CLNK: variants seen among roughly 807,000 people sequenced by gnomAD.
CLNK encodes cytokine dependent hematopoietic cell linker, also known as cytokine-dependent hematopoietic cell linker.
In CLNK, 74 loss-of-function variants were observed where a neutral mutation model predicts 68.6. The observed-to-expected ratio is 1.08, with a 90% CI of 0.89 to 1.31. The LOEUF (loss-of-function observed/expected upper bound fraction) is 1.31. Among genes scored for constraint, CLNK ranks in the 50% most tolerant of loss-of-function variants. CLNK has a pLI of 0.00. For synonymous variants in CLNK, 198 were observed against 172.2 expected (o/e 1.15, Z -1.17); for missense variants, 553 against 515.3 (o/e 1.07, Z -0.71).
chr4:10,575,995 C>T (rs945146048), intron 4 of CLNK, among the ~76,000 whole-genome samples: 1 of 152,198 alleles, frequency 6.6e-6, no homozygotes, highest in African/African-American at 2.4e-5. Context: ...CTGCCTCCCC[C>T]CAGGCAGTGG....
chr4:10,710,905 A>G, the CLNK span, among the ~76,000 whole-genome samples: 2 of 152,206 alleles, frequency 1.3e-5, no homozygotes, highest in Non-Finnish European at 2.9e-5. Context: ...GCATTGTGGA[A>G]TCGGATAGGT....
At chr4:10,700,380 G>C in the CLNK span, among the ~76,000 whole-genome samples, 1 of 152,156 alleles carries the variant, frequency 6.6e-6, no homozygotes, top group Non-Finnish European at 1.5e-5. Context: ...TAACTCCAAA[G>C]CCAAATATAT....
chr4:10,566,378 G>A (rs1720117026), intron 5 of CLNK, among the ~76,000 whole-genome samples: 1 of 152,136 alleles, frequency 6.6e-6, no homozygotes, highest in Non-Finnish European at 1.5e-5. Context: ...ACTAATCTAG[G>A]TACTGCTGTG....
At chr4:10,725,748 G>C in the CLNK span, among the ~76,000 whole-genome samples, 30 of 151,722 alleles carry the variant, frequency 2.0e-4, no homozygotes, top group South Asian at 5.0e-3. Context: ...CCAGCTACTC[G>C]GGAGGCTGAG....
intron 2 of CLNK, among the ~76,000 whole-genome samples, chr4:10,655,419 G>C (rs1723937960): frequency 6.7e-6 from 1 of 149,948 alleles, no homozygotes. Context: ...ACATGAAAGA[G>C]CAGACATTCA....
intron 1 of CLNK, among the ~76,000 whole-genome samples, chr4:10,670,829 T>C (rs918436347): frequency 2.6e-5 from 4 of 152,218 alleles, no homozygotes; most frequent in African/African-American, 7.2e-5. Flanking sequence ...CAGAGCCAAA[T>C]TGCAGGAGAT....
chr4:10,612,308 G>C (rs1023387969), intron 2 of CLNK, among the ~76,000 whole-genome samples: 4 of 152,226 alleles, frequency 2.6e-5, no homozygotes, highest in African/African-American at 9.6e-5. Flanking sequence ...CAACATCATG[G>C]TCCTGAGAAA....
rs116699160 is a variant in CLNK, at chr4:10,587,079, C to G, written c.84-2124G>C. On this transcript the variant is annotated intron_variant, in intron 3 of 18. Coordinates refer to ENST00000226951, the MANE Select transcript of CLNK (RefSeq NM_052964.4). ...TCCCACGTTCAAGCCATTCTCCGGC[C>G]TCAGCCTCACAAGTAACTGGGACTA... Among the ~76,000 whole-genome samples the G allele has an allele frequency of 8.4e-3, 1,274 of 152,224 alleles. 22 individuals carry two copies. The highest frequency in any genetic ancestry group is 0.029 in the African/African-American group (1,223 of 41,514).
intron 2 of CLNK, chr4:10,598,779 A>G (rs1721478522): frequency 2.7e-6 from 1 of 363,642 alleles, no homozygotes; most frequent in Non-Finnish European, 5.6e-6. Context: ...CAGGCATTTC[A>G]TTAGCTCTAT....
At chr4:10,492,206 C>T (rs1194579991) in intron 18 of CLNK, among the ~76,000 whole-genome samples, 1 of 152,070 alleles carries the variant, frequency 6.6e-6, no homozygotes, top group African/African-American at 2.4e-5. Flanking sequence ...GAGGATGAGA[C>T]CAGGAATGAA....
intron 2 of CLNK, among the ~76,000 whole-genome samples, chr4:10,618,447 G>A (rs1325961147): frequency 1.3e-5 from 2 of 152,210 alleles, no homozygotes; most frequent in African/African-American, 2.4e-5. Context: ...GATTTATAGT[G>A]AGAGTCACAC....
At chr4:10,652,447 G>GT (rs1695517617) in intron 2 of CLNK, among the ~76,000 whole-genome samples, 1 of 146,524 alleles carries the variant, frequency 6.8e-6, no homozygotes, top group African/African-American at 2.5e-5. Context: ...AATTCTGTAT[G>GT]TTTTTTATAA....
Position 10,489,749 on chromosome 4 carries a change from C to G in CLNK, c.*718G>C, listed in dbSNP as rs1186249781. The G allele has an allele frequency of 1.1e-5, 1 of 88,606 alleles. No homozygotes were observed. Among genetic ancestry groups the G allele is most frequent in the Non-Finnish European group, 2.5e-5 (1 of 39,810 alleles). The allele number at this position is 88,606 out of a possible 1,614,324, so 5.5% of individuals were successfully genotyped here. ...TGGCGCGATTTCGGCTCACTGCAAG[C>G]TCCGCCTCCCGGGTTCACACCATTC... is the stretch of plus-strand genomic sequence containing the variant. On this transcript the variant is annotated 3_prime_UTR_variant, in exon 19 of 19. Transcript: ENST00000226951.
chr4:10,561,715 C>G (rs1415810824), intron 7 of CLNK, among the ~76,000 whole-genome samples: 1 of 152,190 alleles, frequency 6.6e-6, no homozygotes, highest in Non-Finnish European at 1.5e-5. Context: ...TCTCAGACAG[C>G]CCCTGGGGGA....
chr4:10,726,416 G>C, the CLNK span, among the ~76,000 whole-genome samples: 1 of 152,166 alleles, frequency 6.6e-6, no homozygotes. Flanking sequence ...ACCATGCCTG[G>C]CCCTATGTGT....
In CLNK at chr4:10,564,660, T is replaced by G. The variant is rs1481079556; in HGVS notation, c.399+11A>C. The G allele has an allele frequency of 7.0e-6, 11 of 1,575,946 alleles. No homozygotes were observed. The highest frequency in any genetic ancestry group is 9.6e-6 in the Non-Finnish European group (11 of 1,145,578). ...CACATGTTTGTGTCACAATGTCCAGTCTTTACTCACTCTTTCCAACCTCGT... is the reference window on the plus strand; with the variant it reads ...CACATGTTTGTGTCACAATGTCCAGGCTTTACTCACTCTTTCCAACCTCGT... On this transcript the variant is annotated intron_variant, in intron 7 of 18. Transcript: ENST00000226951.
chr4:10,516,782 CTCAGGCGA>C (rs1360241365), intron 15 of CLNK, among the ~76,000 whole-genome samples: 3 of 152,138 alleles, frequency 2.0e-5, no homozygotes, highest in African/African-American at 7.2e-5. Flanking sequence ...AACTTCTGAT[CTCAGGCGA>C]TCCGCCCACC....
chr4:10,575,654 G>T (rs1186000389), intron 4 of CLNK, among the ~76,000 whole-genome samples: 1 of 152,238 alleles, frequency 6.6e-6, no homozygotes, highest in East Asian at 1.9e-4. Flanking sequence ...TGGGGCGTTG[G>T]CTGTGATGGA....
intron 2 of CLNK, among the ~76,000 whole-genome samples, chr4:10,619,280 T>C (rs1722339366): frequency 6.6e-6 from 1 of 152,194 alleles, no homozygotes; most frequent in Non-Finnish European, 1.5e-5. Flanking sequence ...AGGTAAGCAT[T>C]GTAATCACCG....
Sources: allele counts gnomAD v4.1 joint callset (sites outside exome capture counted in the v4.1 genomes callset), GRCh38; gene constraint gnomAD v4.1.1; transcripts MANE v1.5; gene names NCBI Gene and HGNC (gene_info 2026-07-23, HGNC 2026-07-21).